Variants in CR2 observed in about 807,000 individuals in gnomAD.
CR2 encodes complement C3d receptor 2.
In CR2, 96 loss-of-function variants were observed where a neutral mutation model predicts 123.0. The observed-to-expected ratio is 0.78, with a 90% confidence interval of 0.66 to 0.93. The LOEUF (loss-of-function observed/expected upper bound fraction) is 0.93, where lower values mean the gene tolerates loss of function less well. CR2 is among the 40% of genes least tolerant of loss of function. CR2 has a pLI of 0.00. For synonymous variants in CR2, 484 were observed against 469.5 expected, an observed-to-expected ratio of 1.03 and a Z score of -0.40; for missense variants, 1,258 against 1,361.0, an observed-to-expected ratio of 0.92 and a Z score of 1.19.
At chr1:207,477,594 G>T (rs1007910602) in intron 15 of CR2, among the ~76,000 whole-genome samples, 15 of 152,124 alleles carry the variant, frequency 9.9e-5, no homozygotes, top group African/African-American at 3.6e-4. Context: ...TACCAATTCG[G>T]CCCTCACCAT....
chr1:207,461,319 T>C (rs1033145739), intron 1 of CR2, among the ~76,000 whole-genome samples: 1 of 152,200 alleles, frequency 6.6e-6, no homozygotes, highest in Non-Finnish European at 1.5e-5. Context: ...TTTTTACTTG[T>C]AAGGGTGAAG....
chr1:207,471,908 TA>T (rs2102305076), intron 9 of CR2: 1 of 288,690 alleles, frequency 3.5e-6, no homozygotes, highest in Non-Finnish European at 6.7e-6. Context: ...CTTTCTTCTG[TA>T]AAGTTGGCAT....
chr1:207,476,418 A>G lies in CR2; in HGVS notation c.2901A>G (p.Lys967=), dbSNP rs780433990. Residue 967 remains lysine (K), a splice_region_variant and synonymous_variant, in exon 15 of 20, where the codon AAA becomes AAG. Coordinates refer to ENST00000367057, the MANE Select transcript of CR2 (RefSeq NM_001006658.3). ...GTWSQPAPHC[K]EVNCSSPADM... is the part of the protein sequence containing the mutation. ...GGAGCCAACCTGCCCCTCATTGTAA[A>G]GGTGCTTTGTCTATTTTTTATTCTT... 6.2e-7 allele frequency: 1 copy of G among 1,612,828 alleles called. No individual in the cohort carries two copies. Among genetic ancestry groups the G allele is most frequent in the African/African-American group, 1.3e-5 (1 of 74,868 alleles).
intron 5 of CR2, 113 bp from the exon 6 acceptor site, chr1:207,469,582 C>T (rs1658202727): frequency 1.0e-6 from 1 of 981,380 alleles, no homozygotes; most frequent in Non-Finnish European, 1.6e-6. Flanking sequence ...TTGACTGATT[C>T]ATTATAGACT....
At chr1:207,484,123 T>C (rs912502596) in intron 18 of CR2, among the ~76,000 whole-genome samples, 3 of 152,238 alleles carry the variant, frequency 2.0e-5, no homozygotes, top group Non-Finnish European at 1.5e-5. Flanking sequence ...TCTCTATCTC[T>C]TTCCTTCATG....
chr1:207,467,096 ACAT>A (rs1658123115), intron 2 of CR2, among the ~76,000 whole-genome samples, 184 bp downstream of exon 2: 1 of 152,238 alleles, frequency 6.6e-6, no homozygotes, highest in African/African-American at 2.4e-5. Flanking sequence ...CGTTCAAAAA[ACAT>A]CAATTGAGCA....
Position 207,474,985 on chromosome 1 carries a change from G to A in CR2, c.2485G>A (p.Gly829Arg). The change falls in exon 14 of 20, where the codon GGA becomes AGA. Residue 829 changes from glycine (G) to arginine (R), a missense_variant. Transcript: ENST00000367057. ...LQCRSDSKGH[G>R]SWSGPSPQCL... ...GTGCAGAAGTGATTCTAAAGGACAT[G>A]GATCTTGGAGCGGGCCTTCCCCACA... is the stretch of plus-strand genomic sequence containing the variant. The A allele has an allele frequency of 6.2e-7, 1 of 1,614,118 alleles. No homozygotes were observed. Among genetic ancestry groups the A allele is most frequent in the African/African-American group, 1.3e-5 (1 of 75,026 alleles).
chr1:207,472,914 G>A lies in CR2; in HGVS notation c.1713G>A (p.Glu571=). Residue 571 remains glutamate (E), a synonymous_variant, in exon 10 of 20, where the codon GAG becomes GAA. Transcript: ENST00000367057. The stretch of plus-strand genomic sequence containing the variant: ...GAGTGGAATTCAGCCTCATTGGAGA[G>A]AGCACCATCCGTTGTACAAGCAATG... ...ERGVEFSLIG[E]STIRCTSNDQ... 1.2e-6 allele frequency: 2 copies of A among 1,614,062 alleles called. No homozygotes were observed. The highest frequency in any genetic ancestry group is 1.7e-6 in the Non-Finnish European group (2 of 1,179,976).
At chr1:207,480,146 A>C in intron 18 of CR2, 93 bp downstream of exon 18, 1 of 890,832 alleles carries the variant, frequency 1.1e-6, no homozygotes, top group South Asian at 1.3e-5. Context: ...AGTTATGTGA[A>C]ATAAATACTG....
chr1:207,476,336 A>G lies in CR2; in HGVS notation c.2819A>G (p.Asp940Gly). 1 of 1,614,020 alleles carries G rather than the reference A, an allele frequency of 6.2e-7. No individual in the cohort carries two copies. The highest frequency in any genetic ancestry group is 1.1e-5 in the South Asian group (1 of 91,076). ...GGAATGTCAATCCTGTACAGCTGTG[A>G]CCAAGGCTACCTGCTGGTGGGAGAG... Reference protein sequence around the residue: ...SPGMSILYSCDQGYLLVGEAL... With the variant: ...SPGMSILYSCGQGYLLVGEAL... The change falls in exon 15 of 20, where the codon GAC becomes GGC. Residue 940 changes from aspartate (D) to glycine (G), a missense_variant. Coordinates refer to ENST00000367057, the MANE Select transcript of CR2 (RefSeq NM_001006658.3).
intron 16 of CR2, among the ~76,000 whole-genome samples, 153 bp from the exon 17 acceptor site, chr1:207,479,104 A>G (rs916647886): frequency 1.3e-5 from 2 of 152,138 alleles, no homozygotes; most frequent in African/African-American, 4.8e-5. Flanking sequence ...GATTACAGGC[A>G]TGTGCCACTG....
In CR2 at chr1:207,465,602, C is replaced by G. The variant is rs574926465; in HGVS notation, c.59-924C>G. ...ACCCTTACTGAAACCAAGTATAGCA[C>G]TGATGTGATGAAACAGTTTGGCTGT... On this transcript the variant is annotated intron_variant, in intron 1 of 19. Coordinates refer to ENST00000367057, the MANE Select transcript of CR2 (RefSeq NM_001006658.3). Among the ~76,000 whole-genome samples, 5 of 152,278 alleles carry G rather than the reference C, an allele frequency of 3.3e-5. No individual in the cohort carries two copies. The East Asian group carries it at 5.8e-4, about 18-fold the overall frequency.
At chr1:207,458,077 C>CACACACATACACACACACACAT in intron 1 of CR2, among the ~76,000 whole-genome samples, 1 of 150,196 alleles carries the variant, frequency 6.7e-6, no homozygotes, top group African/African-American at 2.5e-5. Flanking sequence ...CACACACACA[C>CACACACATACACACACACACAT]ACACACACAC....
chr1:207,470,814 T>TC lies in CR2; in HGVS notation c.1301dup (p.Ile435TyrfsTer4). 1 of 1,613,602 alleles carries TC rather than the reference T, an allele frequency of 6.2e-7. No homozygotes were observed. Among genetic ancestry groups the TC allele is most frequent in the Non-Finnish European group, 8.5e-7 (1 of 1,179,584 alleles). On this transcript the variant is annotated frameshift_variant, in exon 7 of 20. Coordinates refer to ENST00000367057, the MANE Select transcript of CR2 (RefSeq NM_001006658.3). LOFTEE classifies it high-confidence loss of function. Reference sequence around the variant, plus strand: ...CATGGTCCGCTTTGACCCTGGAACATCTATAAAATATAGCTGTAACCCTGG... The same window carrying TC: ...CATGGTCCGCTTTGACCCTGGAACATCCTATAAAATATAGCTGTAACCCTGG...
chr1:207,478,758 GA>G (rs940536034), intron 16 of CR2, among the ~76,000 whole-genome samples: 2 of 151,856 alleles, frequency 1.3e-5, no homozygotes, highest in African/African-American at 4.8e-5. Context: ...ATTTGACAGG[GA>G]ACTCCAGAAA....
At chr1:207,463,119 T>G (rs969172894) in intron 1 of CR2, among the ~76,000 whole-genome samples, 1 of 152,154 alleles carries the variant, frequency 6.6e-6, no homozygotes, top group African/African-American at 2.4e-5. Context: ...TTGGGTTGAT[T>G]TGGTTTTCTT....
At chr1:207,489,048 A>G (rs1658821716) in intron 19 of CR2, 94 bp from the exon 20 acceptor site, 1 of 152,290 alleles carries the variant, frequency 6.6e-6, no homozygotes, top group African/African-American at 2.4e-5. Context: ...TACCAGCTGT[A>G]ACTGGTATGT....
Position 207,468,830 on chromosome 1 carries a change from C to T in CR2, c.665C>T (p.Pro222Leu), listed in dbSNP as rs371733599. Reference protein sequence around the residue: ...EARCKSLGRFPNGKVKEPPIL... With the variant: ...EARCKSLGRFLNGKVKEPPIL... ...CGCTGTAAATCTCTAGGACGATTTC[C>T]CAATGGGAAGGTAAAGGAGCCTCCA... Residue 222 changes from proline to leucine, a missense_variant, in exon 4 of 20, where the codon CCC becomes CTC. By Grantham distance (98) the Pro-to-Leu change is moderately conservative (BLOSUM62 -3). Transcript: ENST00000367057. 117 of 1,613,886 alleles carry T rather than the reference C, an allele frequency of 7.2e-5. 2 individuals carry two copies. In the South Asian group the frequency reaches 8.5e-4, roughly 12 times the overall value.
intron 18 of CR2, 77 bp from the exon 19 acceptor site, chr1:207,485,387 T>C (rs1483744922): frequency 1.1e-6 from 1 of 916,506 alleles, no homozygotes; most frequent in Non-Finnish European, 1.8e-6. Context: ...TTGGGAATTA[T>C]GGAAAGCAAA....
Sources: gnomAD v4.1 joint callset for allele counts (sites outside exome capture counted in the v4.1 genomes callset) on GRCh38, gnomAD v4.1.1 for gene constraint, MANE v1.5 for transcripts, NCBI Gene and HGNC (gene_info 2026-07-23, HGNC 2026-07-21) for gene names.